The following ANXA1 variants were observed in gnomAD, a reference collection of about 807,000 sequenced individuals.
ANXA1 encodes annexin I (lipocortin I).
In ANXA1, 39 loss-of-function variants were observed where a neutral mutation model predicts 47.9. The observed-to-expected ratio is 0.81, with a 90% CI of 0.63 to 1.06. ANXA1 has a LOEUF of 1.06. ANXA1 is among the 50% of genes least tolerant of loss of function. ANXA1 has a pLI of 0.00. For synonymous variants in ANXA1, 146 were observed against 142.5 expected (o/e 1.02, Z -0.17); for missense variants, 446 against 422.7 (o/e 1.06, Z -0.48).
In ANXA1 at chr9:73,169,165, A is replaced by T. The variant is rs1286351360; in HGVS notation, c.984+11A>T. ...TGCCAAGCCATCCTGGTATGTTTTG[A>T]TTCCTCTAATGCCATCCCAACAAAT... On this transcript the variant is annotated intron_variant, in intron 12 of 12. Coordinates refer to ENST00000257497, the MANE Select transcript of ANXA1 (RefSeq NM_000700.3). 2.5e-6 allele frequency: 4 copies of T among 1,603,846 alleles called. No homozygotes were observed. The Admixed American group carries it at 5.1e-5, about 21-fold the overall frequency.
chr9:73,161,641 A>G (rs1397915771), intron 6 of ANXA1, among the ~76,000 whole-genome samples: 1 of 152,136 alleles, frequency 6.6e-6, no homozygotes, highest in Non-Finnish European at 1.5e-5. Flanking sequence ...GGAGAATACA[A>G]TAGCTTTTGC....
chr9:73,156,571 C>G (rs959980878), intron 1 of ANXA1, among the ~76,000 whole-genome samples: 1 of 152,108 alleles, frequency 6.6e-6, no homozygotes, highest in African/African-American at 2.4e-5. Flanking sequence ...CAATCCCATG[C>G]GAATTAAGTG....
rs1233485723 is a variant in ANXA1, at chr9:73,162,630, T to G, written c.476-152T>G. 1.3e-5 allele frequency: 7 copies of G among 525,822 alleles called. No individual in the cohort carries two copies. The East Asian group carries it at 2.1e-4, about 16-fold the overall frequency. 32.6% of individuals were successfully genotyped at this position (525,822 alleles called of 1,614,324 possible). The stretch of plus-strand genomic sequence containing the variant: ...AAATTTACCTGCTTTAATTTTTCTC[T>G]TCTTATTTAAAAATGATAATATTTT... On this transcript the variant is annotated intron_variant, in intron 6 of 12. Transcript: ENST00000257497.
At chr9:73,165,028 C>G (rs1824203320) in intron 8 of ANXA1, 88 bp from the exon 9 acceptor site, 7 of 1,028,604 alleles carry the variant, frequency 6.8e-6, no homozygotes, top group African/African-American at 3.2e-5. Context: ...AAAGCGATTG[C>G]CTATATAATC....
chr9:73,166,918 A>T (rs1244574734), intron 10 of ANXA1, among the ~76,000 whole-genome samples: 1 of 152,100 alleles, frequency 6.6e-6, no homozygotes, highest in South Asian at 2.1e-4. Context: ...ATTTAAGCCC[A>T]TCCTATCCCA....
rs752976956 is a variant in ANXA1 at position 73,158,519 on chromosome 9, C to G, written c.-14-3C>G. The G allele has an allele frequency of 1.2e-6, 2 of 1,612,514 alleles. No individual in the cohort carries two copies. Among genetic ancestry groups the G allele is most frequent in the Non-Finnish European group, 1.7e-6 (2 of 1,179,166 alleles). On this transcript the variant is annotated splice_region_variant and splice_polypyrimidine_tract_variant and intron_variant, in intron 1 of 12. Transcript: ENST00000257497. ...TAAAAGCATCTAACTGTTTTCTTTCCAGACACTTTTTCAAAAATGGCAATG... is the reference window on the plus strand; with the variant it reads ...TAAAAGCATCTAACTGTTTTCTTTCGAGACACTTTTTCAAAAATGGCAATG...
chr9:73,168,581 G>T (rs1455409046), intron 11 of ANXA1: 2 of 154,440 alleles, frequency 1.3e-5, no homozygotes, highest in African/African-American at 4.8e-5. Context: ...TAGAGTGATG[G>T]TGCACACTGG....
In ANXA1 at chr9:73,158,711, C is replaced by T. The variant is rs1460020609; in HGVS notation, c.83C>T (p.Ser28Phe). Residue 28 changes from serine to phenylalanine, a missense_variant, in exon 3 of 13, where the codon TCC becomes TTC. By Grantham distance (155) the Ser-to-Phe change is radical. Coordinates refer to ENST00000257497, the MANE Select transcript of ANXA1 (RefSeq NM_000700.3). ...CATTCTTAGCAAACTGTGAAGTCATCCAAAGGTGGTCCCGGATCAGCGGTG... is the reference window on the plus strand; with the variant it reads ...CATTCTTAGCAAACTGTGAAGTCATTCAAAGGTGGTCCCGGATCAGCGGTG... The part of the protein sequence containing the change: ...EQEYVQTVKS[S>F]KGGPGSAVSP... 1 of 1,613,810 alleles carries T rather than the reference C, an allele frequency of 6.2e-7. No individual in the cohort carries two copies. Among genetic ancestry groups the T allele is most frequent in the Admixed American group, 1.7e-5 (1 of 59,982 alleles).
rs1823979415 is a variant in ANXA1 at position 73,151,893 on chromosome 9, CTT to C, written c.-44_-43del. On this transcript the variant is annotated 5_prime_UTR_variant, in exon 1 of 13. Transcript: ENST00000257497. The stretch of plus-strand genomic sequence containing the variant: ...GTGAAATCTTCAGAGAAGAATTTCT[CTT>C]TAGTTCTTTGCAAGAAGGTAGAGAT... 6.6e-6 allele frequency: 1 copy of C among 152,098 alleles called. No individual in the cohort carries two copies. Among genetic ancestry groups the C allele is most frequent in the Admixed American group, 6.6e-5 (1 of 15,264 alleles). The allele number at this position is 152,098 out of a possible 1,614,324, so 9.4% of individuals were successfully genotyped here.
chr9:73,161,670 T>C (rs1372814535), intron 6 of ANXA1, among the ~76,000 whole-genome samples: 2 of 152,148 alleles, frequency 1.3e-5, no homozygotes, highest in African/African-American at 4.8e-5. Flanking sequence ...TTCAGAGGAA[T>C]TTAATAAAAG....
intron 8 of ANXA1, among the ~76,000 whole-genome samples, chr9:73,163,915 C>G (rs763404177): frequency 3.0e-4 from 46 of 152,122 alleles, no homozygotes; most frequent in African/African-American, 9.6e-4. Context: ...TAACAGAGAA[C>G]TTTGGAATGG....
rs2118166033 is a variant in ANXA1 at position 73,164,924 on chromosome 9, A to G, written c.613-192A>G. Reference sequence around the variant, plus strand: ...TCTAGTGTTTACAAGGCACCTTGAGAGAAACTGTGGAAGATATTTGACAAA... The same window carrying G: ...TCTAGTGTTTACAAGGCACCTTGAGGGAAACTGTGGAAGATATTTGACAAA... On this transcript the variant is annotated intron_variant, in intron 8 of 12. Coordinates refer to ENST00000257497, the MANE Select transcript of ANXA1 (RefSeq NM_000700.3). 1.3e-5 allele frequency among the ~76,000 whole-genome samples: 2 copies of G among 152,286 alleles called. 1 individual carries two copies. Among genetic ancestry groups the G allele is most frequent in the South Asian group, 4.1e-4 (2 of 4,830 alleles).
At chr9:73,163,613 A>G in intron 8 of ANXA1, 81 bp downstream of exon 8, 1 of 1,432,054 alleles carries the variant, frequency 7.0e-7, no homozygotes, top group Non-Finnish European at 9.8e-7. Context: ...CTGTGAAAGC[A>G]AATCTAAGAT....
In ANXA1 at chr9:73,158,725, G is replaced by T; in HGVS notation, c.97G>T (p.Gly33Ter). ...QTVKSSKGGP[G>*]SAVSPYPTFN... ...TGTGAAGTCATCCAAAGGTGGTCCCGGATCAGCGGTGAGCCCCTATCCTAC... is the reference window on the plus strand; with the variant it reads ...TGTGAAGTCATCCAAAGGTGGTCCCTGATCAGCGGTGAGCCCCTATCCTAC... The change falls in exon 3 of 13, where the codon GGA becomes TGA. Residue 33 changes from glycine to a stop codon, truncating the protein, a stop_gained. Transcript: ENST00000257497. LOFTEE classifies it high-confidence loss of function. 6.2e-7 allele frequency: 1 copy of T among 1,613,758 alleles called. No individual in the cohort carries two copies. Among genetic ancestry groups the T allele is most frequent in the East Asian group, 2.2e-5 (1 of 44,858 alleles).
rs1271064642 is a variant in ANXA1, at chr9:73,160,689, G to A, written c.385-114G>A. 3 of 717,106 alleles carry A rather than the reference G, an allele frequency of 4.2e-6. No homozygotes were observed. In the African/African-American group the frequency reaches 5.3e-5, roughly 13 times the overall value. The allele number at this position is 717,106 out of a possible 1,614,324, so 44.4% of individuals were successfully genotyped here. ...CTTATTGTAATTATTAAATGTTGTGGGTGAAATTTACTAAATGACAGAGTC... is the reference window on the plus strand; with the variant it reads ...CTTATTGTAATTATTAAATGTTGTGAGTGAAATTTACTAAATGACAGAGTC... On this transcript the variant is annotated intron_variant, in intron 5 of 12. Transcript: ENST00000257497.
At chr9:73,164,335 T>A (rs1824191859) in intron 8 of ANXA1, among the ~76,000 whole-genome samples, 1 of 152,150 alleles carries the variant, frequency 6.6e-6, no homozygotes, top group Non-Finnish European at 1.5e-5. Context: ...AAATGCAAAA[T>A]AATTTTTACA....
At position 73,159,417 on chromosome 9, in the gene ANXA1, A is replaced by G. The variant is rs1023869180; in HGVS notation, c.264A>G (p.Thr88=). ...QQIKAAYLQE[T]GKPLDETLKK... is the part of the protein sequence containing the mutation. ...TCAAAGCAGCATATCTCCAGGAAAC[A>G]GGAAAGGTAAGTTAGAGTGGTAAAT... Residue 88 remains threonine (T), a synonymous_variant, in exon 4 of 13, where the codon ACA becomes ACG. Coordinates refer to ENST00000257497, the MANE Select transcript of ANXA1 (RefSeq NM_000700.3). The G allele has an allele frequency of 6.8e-6, 11 of 1,612,290 alleles. No individual in the cohort carries two copies. The highest frequency in any genetic ancestry group is 5.5e-5 in the South Asian group (5 of 91,032).
At chr9:73,161,042 A>C in intron 6 of ANXA1, 149 bp downstream of exon 6, 1 of 567,916 alleles carries the variant, frequency 1.8e-6, no homozygotes, top group Non-Finnish European at 3.1e-6. Flanking sequence ...ATGTCTATTA[A>C]ATGCTGTTAC....
intron 8 of ANXA1, among the ~76,000 whole-genome samples, chr9:73,164,639 G>A (rs1437298193): frequency 6.6e-6 from 1 of 152,134 alleles, no homozygotes; most frequent in African/African-American, 2.4e-5. Flanking sequence ...CTGTCATTTA[G>A]TAAGGTTGAT....
Sources: allele counts gnomAD v4.1 joint callset (sites outside exome capture counted in the v4.1 genomes callset), GRCh38; gene constraint gnomAD v4.1.1; transcripts MANE v1.5; gene names NCBI Gene and HGNC (gene_info 2026-07-23, HGNC 2026-07-21).